The following ZFAND3 variants were observed in gnomAD, a reference collection of about 807,000 sequenced individuals.
ZFAND3 encodes the protein AN1-type zinc finger protein 3.
Under a neutral mutation model 29.6 loss-of-function variants are expected in ZFAND3, and 10 were observed. The ratio of observed to expected loss-of-function variants is 0.34; its 90% CI spans 0.21 to 0.57. The LOEUF is 0.57. Among genes scored for constraint, ZFAND3 ranks in the 20% least tolerant of loss-of-function variants. The pLI, the probability that ZFAND3 is intolerant of heterozygous loss-of-function variation, is 0.86. For missense variants in ZFAND3, 230 were observed against 304.5 expected, an observed-to-expected ratio of 0.76 and a Z score of 1.82; for synonymous variants, 128 against 112.6, an observed-to-expected ratio of 1.14 and a Z score of -0.87.
At chr6:37,861,578 A>G (rs997286158) in intron 1 of ZFAND3, among the ~76,000 whole-genome samples, 1 of 152,250 alleles carries the variant, frequency 6.6e-6, no homozygotes, top group African/African-American at 2.4e-5. Context: ...ATGAGTGTCT[A>G]CATTTCACAG....
At chr6:37,999,548 A>G (rs73421466) in intron 2 of ZFAND3, among the ~76,000 whole-genome samples, 1,721 of 152,332 alleles carry the variant, frequency 0.011, 31 homozygotes, top group African/African-American at 0.039. Flanking sequence ...TACCCTTGAT[A>G]TGGTGTGATG....
chr6:38,125,494 C>T (rs10947713), intron 5 of ZFAND3, among the ~76,000 whole-genome samples: 48,597 of 152,046 alleles, frequency 0.32, 8,186 homozygotes, highest in Non-Finnish European at 0.38. Context: ...CTTACAAGAC[C>T]GAATGTGCAG....
chr6:38,107,929 TAA>T (rs11423651), intron 4 of ZFAND3, among the ~76,000 whole-genome samples: 1 of 142,294 alleles, frequency 7.0e-6, no homozygotes, highest in East Asian at 2.0e-4. Context: ...GAAGGACTGT[TAA>T]AAAAAAAAAA....
At chr6:38,014,432 T>G (rs1763219209) in intron 2 of ZFAND3, among the ~76,000 whole-genome samples, 1 of 152,116 alleles carries the variant, frequency 6.6e-6, no homozygotes, top group Non-Finnish European at 1.5e-5. Flanking sequence ...GTTTAAGCGA[T>G]TCTCCCGCCT....
At chr6:38,044,759 G>A (rs1763863687) in intron 2 of ZFAND3, among the ~76,000 whole-genome samples, 1 of 152,188 alleles carries the variant, frequency 6.6e-6, no homozygotes, top group African/African-American at 2.4e-5. Flanking sequence ...TGAAATGGGA[G>A]TTTTGGGGCT....
intron 2 of ZFAND3, among the ~76,000 whole-genome samples, chr6:37,974,402 C>CTTT (rs10573359): frequency 1.6e-4 from 5 of 30,800 alleles, no homozygotes; most frequent in African/African-American, 6.3e-4. Flanking sequence ...CTCTCTCTCT[C>CTTT]TTTTTTTTTT....
intron 3 of ZFAND3, among the ~76,000 whole-genome samples, chr6:38,072,044 G>A (rs565874241): frequency 6.6e-6 from 1 of 152,202 alleles, no homozygotes; most frequent in African/African-American, 2.4e-5. Context: ...CTCAAAAAAA[G>A]GCAGTGTCCC....
At position 38,154,136 on chromosome 6, in the gene ZFAND3, G is replaced by A. The variant is rs1411799048; in HGVS notation, c.*1747G>A. 2 of 985,568 alleles carry A rather than the reference G, an allele frequency of 2.0e-6. No individual in the cohort carries two copies. Among genetic ancestry groups the A allele is most frequent in the Non-Finnish European group, 2.4e-6 (2 of 830,018 alleles). 61.1% of individuals were successfully genotyped at this position (985,568 alleles called of 1,614,324 possible). A position where few individuals can be genotyped will look rare whatever the true frequency, so the allele number is the denominator to read the frequency against. ...GGCAGAGGGGCCAGGTCTGCCCAGCGTTTACCACTGCTGTCAAGCCACAGC... is the reference window on the plus strand; with the variant it reads ...GGCAGAGGGGCCAGGTCTGCCCAGCATTTACCACTGCTGTCAAGCCACAGC... On this transcript the variant is annotated 3_prime_UTR_variant, in exon 6 of 6. Transcript: ENST00000287218.
At chr6:38,115,061 T>C (rs1765390663) in intron 4 of ZFAND3, among the ~76,000 whole-genome samples, 2 of 151,886 alleles carry the variant, frequency 1.3e-5, no homozygotes, top group African/African-American at 4.8e-5. Flanking sequence ...CTTTGCAAAA[T>C]AAAATTTAAA....
chr6:38,042,395 A>C (rs901325460), intron 2 of ZFAND3, among the ~76,000 whole-genome samples: 1 of 148,052 alleles, frequency 6.8e-6, no homozygotes, highest in African/African-American at 2.5e-5. Flanking sequence ...GCTCACTGCA[A>C]CTCCACCTCC....
intron 3 of ZFAND3, among the ~76,000 whole-genome samples, chr6:38,070,322 G>A (rs949692085): frequency 6.6e-6 from 1 of 151,984 alleles, no homozygotes; most frequent in Admixed American, 6.5e-5. Context: ...TACTCGGGGG[G>A]CTGAGGCAGG....
At position 37,938,910 on chromosome 6, in the gene ZFAND3, A is replaced by T. The variant is rs141394732; in HGVS notation, c.112+8911A>T. Among the ~76,000 whole-genome samples, 864 of 152,312 alleles carry T rather than the reference A, an allele frequency of 5.7e-3. 9 individuals carry two copies. Among genetic ancestry groups the T allele is most frequent in the African/African-American group, 0.02 (824 of 41,566 alleles). ...TTGTGACCATGTGTTAGAGTATGAT[A>T]GGGAAAATGGAAGAAATTTAGTAGT... On this transcript the variant is annotated intron_variant, in intron 2 of 5. Transcript: ENST00000287218.
At chr6:38,114,052 A>G (rs1260912490) in intron 4 of ZFAND3, among the ~76,000 whole-genome samples, 3 of 152,256 alleles carry the variant, frequency 2.0e-5, no homozygotes, top group South Asian at 2.1e-4. Flanking sequence ...TTTTAATCAT[A>G]GTAATAATGA....
intron 2 of ZFAND3, among the ~76,000 whole-genome samples, chr6:38,009,424 G>A (rs1763107863): frequency 6.6e-6 from 1 of 152,186 alleles, no homozygotes; most frequent in Admixed American, 6.5e-5. Context: ...CAGGTTAGAA[G>A]AGAGCCAGTG....
At chr6:37,989,513 T>C (rs1383492926) in intron 2 of ZFAND3, among the ~76,000 whole-genome samples, 1 of 152,208 alleles carries the variant, frequency 6.6e-6, no homozygotes, top group Admixed American at 6.5e-5. Context: ...TCGTAAGAAC[T>C]CTACCTTCAT....
chr6:38,093,698 C>A (rs988562086), intron 4 of ZFAND3, among the ~76,000 whole-genome samples: 1 of 151,918 alleles, frequency 6.6e-6, no homozygotes, highest in African/African-American at 2.4e-5. Context: ...AAAACCTGAA[C>A]GAAGTTTGTG....
intron 5 of ZFAND3, among the ~76,000 whole-genome samples, chr6:38,149,282 G>A (rs897217843): frequency 1.3e-5 from 2 of 152,030 alleles, no homozygotes; most frequent in African/African-American, 4.8e-5. Flanking sequence ...GTGTGGTGAT[G>A]TGTGCTTGTA....
chr6:38,098,053 T>C (rs1280152712), intron 4 of ZFAND3, among the ~76,000 whole-genome samples: 1 of 152,322 alleles, frequency 6.6e-6, no homozygotes, highest in Non-Finnish European at 1.5e-5. Flanking sequence ...GTATTGCTTT[T>C]TTCTAGCCTG....
At chr6:37,950,386 T>A (rs1177967159) in intron 2 of ZFAND3, among the ~76,000 whole-genome samples, 1 of 151,750 alleles carries the variant, frequency 6.6e-6, no homozygotes, top group Non-Finnish European at 1.5e-5. Context: ...CTTGTTTTTT[T>A]TTTTTTTCTG....
Sources: allele counts gnomAD v4.1 joint callset (sites outside exome capture counted in the v4.1 genomes callset), GRCh38; gene constraint gnomAD v4.1.1; transcripts MANE v1.5; gene names NCBI Gene and HGNC (gene_info 2026-07-23, HGNC 2026-07-21).